ZNF536: variants seen among roughly 807,000 people sequenced by gnomAD.
ZNF536 encodes the protein zinc finger protein 536.
ZNF536 carries 13 observed loss-of-function variants against 84.5 expected under a neutral mutation model. That is an observed-to-expected ratio of 0.15 (90% confidence interval 0.10 to 0.24). The LOEUF (loss-of-function observed/expected upper bound fraction) is 0.24. Ranked by LOEUF, ZNF536 falls within the 10% of genes least tolerant of loss-of-function variation. The pLI is 1.00. For synonymous variants in ZNF536, 811 were observed against 742.5 expected, an observed-to-expected ratio of 1.09 and a Z score of -1.50; for missense variants, 1,536 against 1,747.5, an observed-to-expected ratio of 0.88 and a Z score of 2.16.
intron 2 of ZNF536, among the ~76,000 whole-genome samples, chr19:30,317,997 A>C (rs919199537): frequency 1.3e-5 from 2 of 152,244 alleles, no homozygotes; most frequent in Non-Finnish European, 2.9e-5. Context: ...GCTTGAGGTA[A>C]GAAATGCCAC....
At chr19:30,506,892 C>T (rs2055196543) in intron 2 of ZNF536, among the ~76,000 whole-genome samples, 1 of 152,156 alleles carries the variant, frequency 6.6e-6, no homozygotes, top group African/African-American at 2.4e-5. Context: ...AACTCTTTTG[C>T]CCTGAGATAA....
chr19:30,359,438 G>C (rs1182436685), intron 3 of ZNF536, among the ~76,000 whole-genome samples: 1 of 152,242 alleles, frequency 6.6e-6, no homozygotes, highest in Non-Finnish European at 1.5e-5. Context: ...GCTGAATATG[G>C]CTGCGCCACA....
intron 1 of ZNF536, among the ~76,000 whole-genome samples, chr19:30,242,592 A>G (rs1255183750): frequency 6.6e-6 from 1 of 152,178 alleles, no homozygotes; most frequent in African/African-American, 2.4e-5. Flanking sequence ...CCTGCCCCCA[A>G]GGGGATTTGT....
chr19:30,692,028 C>G lies in ZNF536; in HGVS notation c.170-18729C>G, dbSNP rs959452640. ...CGGTCATGGCCGGGCCTGGGAGGCC[C>G]CCTCTCGGATCCCAGGCTGCCCTTA... On this transcript the variant is annotated intron_variant, in intron 1 of 1. Transcript: ENST00000592773. Among the ~76,000 whole-genome samples, 5 of 152,186 alleles carry G rather than the reference C, an allele frequency of 3.3e-5. No individual in the cohort carries two copies. In the South Asian group the frequency reaches 6.2e-4, roughly 19 times the overall value.
intron 1 of ZNF536, among the ~76,000 whole-genome samples, chr19:30,276,291 G>A (rs1443479898): frequency 6.6e-6 from 1 of 152,198 alleles, no homozygotes; most frequent in Non-Finnish European, 1.5e-5. Flanking sequence ...CAGCAAGCAT[G>A]AGCCCAGTGG....
chr19:30,524,660 T>C (rs995061921), intron 2 of ZNF536, among the ~76,000 whole-genome samples: 8 of 152,210 alleles, frequency 5.3e-5, no homozygotes, highest in Non-Finnish European at 8.8e-5. Context: ...TGGTGTCATT[T>C]AGGTAAGAAT....
At chr19:30,229,571 TG>T (rs60120185) in intron 1 of ZNF536, among the ~76,000 whole-genome samples, 2 of 151,378 alleles carry the variant, frequency 1.3e-5, no homozygotes, top group Non-Finnish European at 3.0e-5. Context: ...CTGCGGGTGG[TG>T]GGGGGGGCTC....
At chr19:30,452,324 T>C (rs1234862130) in intron 2 of ZNF536, among the ~76,000 whole-genome samples, 2 of 152,226 alleles carry the variant, frequency 1.3e-5, no homozygotes, top group Non-Finnish European at 2.9e-5. Context: ...TCTAATTCTT[T>C]CTCTGGTTTG....
downstream of ZNF536, among the ~76,000 whole-genome samples, chr19:30,560,918 C>T (rs763715455): frequency 2.6e-5 from 4 of 152,216 alleles, no homozygotes; most frequent in East Asian, 1.9e-4. Context: ...GCAAGGGATG[C>T]GCATTTTCAA....
intron 1 of ZNF536, among the ~76,000 whole-genome samples, chr19:30,582,677 A>G (rs531633114): frequency 1.1e-4 from 17 of 152,080 alleles, no homozygotes; most frequent in Non-Finnish European, 2.4e-4. Context: ...GTTCTTTGTG[A>G]CTGGGGAGGC....
intron 2 of ZNF536, among the ~76,000 whole-genome samples, chr19:30,492,445 AT>A (rs1454399454): frequency 6.6e-6 from 1 of 152,198 alleles, no homozygotes; most frequent in Non-Finnish European, 1.5e-5. Flanking sequence ...AAAACAAAGA[AT>A]TGGGTTAAAG....
downstream of ZNF536, among the ~76,000 whole-genome samples, chr19:30,562,056 T>G (rs1380765960): frequency 1.3e-5 from 2 of 152,152 alleles, no homozygotes; most frequent in Non-Finnish European, 2.9e-5. Context: ...CGGGCTGGTC[T>G]GGGGGAGACC....
intron 1 of ZNF536, among the ~76,000 whole-genome samples, chr19:30,596,154 T>G (rs1439499735): frequency 6.6e-6 from 1 of 151,624 alleles, no homozygotes; most frequent in Non-Finnish European, 1.5e-5. Context: ...GGGCAACAAT[T>G]AAATAAAAGC....
chr19:30,235,673 T>C (rs967823958), intron 1 of ZNF536, among the ~76,000 whole-genome samples: 1 of 152,260 alleles, frequency 6.6e-6, no homozygotes, highest in African/African-American at 2.4e-5. Flanking sequence ...TTGTGTGTGG[T>C]TATTTTCCCA....
At chr19:30,284,317 A>T (rs2045555917) in intron 2 of ZNF536, among the ~76,000 whole-genome samples, 1 of 152,178 alleles carries the variant, frequency 6.6e-6, no homozygotes, top group Non-Finnish European at 1.5e-5. Context: ...GTGAACTACA[A>T]TGTGGAGACA....
chr19:30,671,516 G>C (rs544449382), intron 1 of ZNF536, among the ~76,000 whole-genome samples: 20 of 152,272 alleles, frequency 1.3e-4, no homozygotes, highest in African/African-American at 4.6e-4. Context: ...TGGGGCTTCA[G>C]GGGTGCAGAG....
chr19:30,313,498 C>T (rs1007085776), intron 2 of ZNF536, among the ~76,000 whole-genome samples: 2 of 152,142 alleles, frequency 1.3e-5, no homozygotes, highest in African/African-American at 4.8e-5. Flanking sequence ...ACCCACTCCG[C>T]ACTCTCCACA....
At chr19:30,559,464 C>A (rs2046079574), downstream of ZNF536, among the ~76,000 whole-genome samples, 1 of 152,148 alleles carries the variant, frequency 6.6e-6, no homozygotes, top group Admixed American at 6.5e-5. Flanking sequence ...AGGACCTGCC[C>A]CAAGGGGAAT....
At chr19:30,690,597 T>A (rs746317943) in intron 1 of ZNF536, among the ~76,000 whole-genome samples, 17 of 152,202 alleles carry the variant, frequency 1.1e-4, no homozygotes, top group Non-Finnish European at 2.2e-4. Context: ...GCCCTTCAAA[T>A]CTTATCCTTA....
Sources: allele counts gnomAD v4.1 joint callset (sites outside exome capture counted in the v4.1 genomes callset), GRCh38; gene constraint gnomAD v4.1.1; transcripts MANE v1.5; gene names NCBI Gene and HGNC (gene_info 2026-07-23, HGNC 2026-07-21).